The following SEMA4D variants were observed in gnomAD, a reference collection of about 807,000 sequenced individuals.
SEMA4D encodes semaphorin 4D, also known as semaphorin-4D.
SEMA4D carries 22 observed loss-of-function variants against 74.8 expected under a neutral mutation model. The observed-to-expected ratio is 0.29, with a 90% CI of 0.21 to 0.42. The LOEUF (loss-of-function observed/expected upper bound fraction) is 0.42. SEMA4D is among the 10% of genes least tolerant of loss of function. The probability of loss-of-function intolerance (pLI) is 1.00; values close to 1 mark genes in which losing one functional copy is unlikely to be tolerated. For missense variants in SEMA4D, 937 were observed against 1,118.4 expected, an observed-to-expected ratio of 0.84 and a Z score of 2.31; for synonymous variants, 445 against 463.7, an observed-to-expected ratio of 0.96 and a Z score of 0.52.
chr9:89,431,432 C>T (rs1282413792), intron 2 of SEMA4D, among the ~76,000 whole-genome samples: 1 of 152,194 alleles, frequency 6.6e-6, no homozygotes, highest in East Asian at 1.9e-4. Context: ...TTTCCTGTAT[C>T]TTCCAAATTT....
intron 2 of SEMA4D, among the ~76,000 whole-genome samples, chr9:89,446,359 G>A (rs906792205): frequency 1.3e-5 from 2 of 152,140 alleles, no homozygotes; most frequent in Admixed American, 1.3e-4. Context: ...CACCCTCTCA[G>A]GCTCCAAGGG....
chr9:89,441,250 C>T (rs1292319433), intron 2 of SEMA4D, among the ~76,000 whole-genome samples: 1 of 152,284 alleles, frequency 6.6e-6, no homozygotes, highest in Non-Finnish European at 1.5e-5. Context: ...TTGGCCTCCG[C>T]TTCCACACAC....
chr9:89,494,828 T>C (rs1361616674), intron 1 of SEMA4D, among the ~76,000 whole-genome samples: 1 of 152,120 alleles, frequency 6.6e-6, no homozygotes, highest in Non-Finnish European at 1.5e-5. Flanking sequence ...CCAAACATCA[T>C]TTCATCTACC....
intron 6 of SEMA4D, among the ~76,000 whole-genome samples, chr9:89,395,600 C>T (rs1026579137): frequency 5.9e-5 from 9 of 152,082 alleles, no homozygotes; most frequent in Non-Finnish European, 8.8e-5. Context: ...CTGGTCCAAC[C>T]GTACTTTCTG....
chr9:89,383,443 A>C (rs539962476), intron 13 of SEMA4D, among the ~76,000 whole-genome samples: 100 of 152,306 alleles, frequency 6.6e-4, no homozygotes, highest in South Asian at 1.7e-3. Context: ...CAAGATAATC[A>C]CAAGAATACA....
chr9:89,375,423 C>T (rs1403266549), downstream of SEMA4D, among the ~76,000 whole-genome samples: 2 of 152,202 alleles, frequency 1.3e-5, no homozygotes, highest in African/African-American at 2.4e-5. Context: ...CCATGCTCAC[C>T]GGCAGCTTCT....
At chr9:89,387,689 G>T (rs768319892) in intron 11 of SEMA4D, 81 bp from the exon 12 acceptor site, 32 of 1,237,628 alleles carry the variant, frequency 2.6e-5, no homozygotes, top group Non-Finnish European at 3.0e-5. Flanking sequence ...GCCAACGCAG[G>T]GGGGGCTGCA....
intron 2 of SEMA4D, among the ~76,000 whole-genome samples, chr9:89,436,751 G>A (rs375533574): frequency 6.6e-6 from 1 of 152,224 alleles, no homozygotes. Flanking sequence ...GGGGGTTGCG[G>A]CCCAGCACCC....
At chr9:89,446,252 T>C (rs967225663) in intron 2 of SEMA4D, among the ~76,000 whole-genome samples, 7 of 152,164 alleles carry the variant, frequency 4.6e-5, no homozygotes, top group Admixed American at 1.3e-4. Context: ...AGAACACTTG[T>C]GAGTGCATTT....
intron 8 of SEMA4D, 45 bp from the exon 9 acceptor site, chr9:89,391,460 G>T (rs756898550): frequency 1.9e-6 from 3 of 1,603,650 alleles, no homozygotes; most frequent in Non-Finnish European, 1.7e-6. Context: ...AGAGCTGGGG[G>T]ACTGCCTGCA....
intron 1 of SEMA4D, among the ~76,000 whole-genome samples, chr9:89,468,535 A>G (rs1422285902): frequency 6.6e-6 from 1 of 152,212 alleles, no homozygotes; most frequent in Non-Finnish European, 1.5e-5. Context: ...CTCTAAAAAC[A>G]TACCACTCCT....
At chr9:89,406,395 C>G (rs1843334755) in intron 2 of SEMA4D, among the ~76,000 whole-genome samples, 1 of 152,198 alleles carries the variant, frequency 6.6e-6, no homozygotes. Flanking sequence ...AGAAACAGCC[C>G]TTAGTAAAAG....
intron 1 of SEMA4D, among the ~76,000 whole-genome samples, chr9:89,457,325 AT>A (rs1856188569): frequency 6.6e-6 from 1 of 152,274 alleles, no homozygotes; most frequent in East Asian, 1.9e-4. Context: ...AAGCTACACC[AT>A]GAGGGTGCTT....
At chr9:89,468,644 C>T (rs556180822) in intron 1 of SEMA4D, among the ~76,000 whole-genome samples, 4 of 152,334 alleles carry the variant, frequency 2.6e-5, no homozygotes, top group African/African-American at 7.2e-5. Flanking sequence ...CAACACGCCA[C>T]TCAGAATAAT....
chr9:89,458,813 AAC>A lies in SEMA4D; in HGVS notation c.-309-2862_-309-2861del, dbSNP rs549506100. Among the ~76,000 whole-genome samples, 25 of 152,096 alleles carry A rather than the reference AAC, an allele frequency of 1.6e-4. No individual in the cohort carries two copies. The East Asian group carries it at 4.1e-3, about 25-fold the overall frequency. On this transcript the variant is annotated intron_variant, in intron 1 of 15. Transcript: ENST00000422704. Reference sequence around the variant, plus strand: ...ATTCACATACACACTTATACACCTAAACACACACTCATACACACACGGATACA... The same window carrying A: ...ATTCACATACACACTTATACACCTAAACACACTCATACACACACGGATACA...
Position 89,402,944 on chromosome 9 carries a change from T to C in SEMA4D, c.179A>G (p.Asp60Gly). The change falls in exon 4 of 16, where the codon GAC becomes GGC. Residue 60 changes from aspartate (D) to glycine (G), a missense_variant. By Grantham distance (94) the Asp-to-Gly change is moderately conservative. Transcript: ENST00000422704. ...YSALLLSEDKDTLYIGAREAV... is the reference protein window; with the variant it reads ...YSALLLSEDKGTLYIGAREAV... ...CTCCCGGGCACCTATGTACAAGGTG[T>C]CCTTGTCCTCGCTCAGCAGCAAGGC... 6.2e-7 allele frequency: 1 copy of C among 1,613,958 alleles called. No individual in the cohort carries two copies.
chr9:89,444,825 A>G (rs571269037), intron 2 of SEMA4D, among the ~76,000 whole-genome samples: 4 of 152,258 alleles, frequency 2.6e-5, no homozygotes, highest in African/African-American at 7.2e-5. Flanking sequence ...CAAATGATAC[A>G]TTAATAAAAG....
rs921643659 is a variant in SEMA4D, at chr9:89,379,718, A to T, written c.1664-89T>A. The T allele has an allele frequency of 1.7e-5, 24 of 1,411,824 alleles. No individual in the cohort carries two copies. In the Admixed American group the frequency reaches 3.5e-4, roughly 20 times the overall value. 87.5% of individuals were successfully genotyped at this position (1,411,824 alleles called of 1,614,324 possible). A position where few individuals can be genotyped will look rare whatever the true frequency, so the allele number is the denominator to read the frequency against. ...TAAAATACCCACAAGATGACGCAAGAGTTTCACCCACTGTAGCAACATGGA... is the reference window on the plus strand; with the variant it reads ...TAAAATACCCACAAGATGACGCAAGTGTTTCACCCACTGTAGCAACATGGA... On this transcript the variant is annotated intron_variant, in intron 15 of 15. Coordinates refer to ENST00000422704, the MANE Select transcript of SEMA4D (RefSeq NM_001371194.2).
At chr9:89,489,955 C>T (rs1297215852) in intron 1 of SEMA4D, among the ~76,000 whole-genome samples, 4 of 152,076 alleles carry the variant, frequency 2.6e-5, no homozygotes, top group Admixed American at 2.6e-4. Flanking sequence ...CACCATTTTA[C>T]ATTTCTATCC....
Sources: allele counts gnomAD v4.1 joint callset (sites outside exome capture counted in the v4.1 genomes callset), GRCh38; gene constraint gnomAD v4.1.1; transcripts MANE v1.5; gene names NCBI Gene and HGNC (gene_info 2026-07-23, HGNC 2026-07-21).